Variants in SLC16A5 observed in about 807,000 individuals in gnomAD.
The protein encoded by SLC16A5 is solute carrier family 16 member 5.
Under a neutral mutation model 33.2 loss-of-function variants are expected in SLC16A5, and 29 were observed. That is an observed-to-expected ratio of 0.87 (90% CI 0.65 to 1.19). The LOEUF (loss-of-function observed/expected upper bound fraction) is 1.19. Ranked by LOEUF, SLC16A5 falls within the 50% of genes most tolerant of loss-of-function variation. The probability of loss-of-function intolerance (pLI) is 0.00; values close to 1 mark genes in which losing one functional copy is unlikely to be tolerated. For synonymous variants in SLC16A5, 248 were observed against 284.1 expected (o/e 0.87, Z 1.28); for missense variants, 606 against 678.2 (o/e 0.89, Z 1.18).
Position 75,106,008 on chromosome 17 carries a change from C to CCAAGCAA in SLC16A5, c.1493_1494insCAAGCAA (p.Leu499LysfsTer7), listed in dbSNP as rs2073859076. On this transcript the variant is annotated frameshift_variant, in exon 7 of 7. Transcript: ENST00000329783. LOFTEE classifies it low-confidence loss of function (END_TRUNC). The stretch of plus-strand genomic sequence containing the variant: ...GCGGTACTGCAGGCCAAGCAAACGG[C>CCAAGCAA]TCTGGGCTGGAATAGCCCTACCTGA... The CCAAGCAA allele has an allele frequency of 5.7e-6, 9 of 1,592,294 alleles. No individual in the cohort carries two copies. The highest frequency in any genetic ancestry group is 7.7e-6 in the Non-Finnish European group (9 of 1,166,234).
In SLC16A5 at chr17:75,100,305, C is replaced by A. The variant is rs995321639; in HGVS notation, c.642C>A (p.Gly214=). 1.2e-6 allele frequency: 2 copies of A among 1,614,248 alleles called. No homozygotes were observed. Among genetic ancestry groups the A allele is most frequent in the African/African-American group, 2.7e-5 (2 of 75,074 alleles). Residue 214 remains glycine (G), a synonymous_variant, in exon 5 of 7, where the codon GGC becomes GGA. Coordinates refer to ENST00000329783, the MANE Select transcript of SLC16A5 (RefSeq NM_004695.4). The part of the protein sequence containing the change: ...PPPPPETPAL[G]CLAACGRTIQ... ...CACCTCCCGAGACACCTGCACTTGG[C>A]TGCCTGGCTGCATGCGGCCGGACCA...
Position 75,093,569 on chromosome 17 carries a change from C to CCA in SLC16A5, c.-48-19_-48-18dup. The CCA allele has an allele frequency of 6.4e-7, 1 of 1,557,108 alleles. No individual in the cohort carries two copies. The highest frequency in any genetic ancestry group is 8.6e-7 in the Non-Finnish European group (1 of 1,156,864). ...CGGACAGCCTGCTGACCACCAGGCT[C>CCA]CATTCTGTCCCCTCCCCAGGCAGCA... is the stretch of plus-strand genomic sequence containing the variant. On this transcript the variant is annotated intron_variant, in intron 2 of 6. Coordinates refer to ENST00000329783, the MANE Select transcript of SLC16A5 (RefSeq NM_004695.4).
In SLC16A5 at chr17:75,100,208, G is replaced by A; in HGVS notation, c.545G>A (p.Cys182Tyr). 4 of 1,614,216 alleles carry A rather than the reference G, an allele frequency of 2.5e-6. No individual in the cohort carries two copies. The highest frequency in any genetic ancestry group is 3.4e-6 in the Non-Finnish European group (4 of 1,180,038). Reference protein sequence around the residue: ...FLVFGGIFLHCCICGAIIRPV... With the variant: ...FLVFGGIFLHYCICGAIIRPV... ...GTCTTCGGCGGGATCTTTCTCCACT[G>A]CTGCATCTGCGGGGCCATCATAAGG... Residue 182 changes from cysteine to tyrosine, a missense_variant, in exon 5 of 7, where the codon TGC (cysteine) becomes TAC (tyrosine). Cys to Tyr is a radical substitution (Grantham distance 194, BLOSUM62 -2). Coordinates refer to ENST00000329783, the MANE Select transcript of SLC16A5 (RefSeq NM_004695.4).
intron 3 of SLC16A5, among the ~76,000 whole-genome samples, chr17:75,094,937 G>A (rs1467258921): frequency 2.6e-5 from 4 of 152,198 alleles, no homozygotes; most frequent in Non-Finnish European, 4.4e-5. Flanking sequence ...TGCAGTCGCC[G>A]TGGACACAGG....
Position 75,098,132 on chromosome 17 carries a change from C to T in SLC16A5, c.294C>T (p.Ser98=). The T allele has an allele frequency of 6.2e-7, 1 of 1,612,582 alleles. No individual in the cohort carries two copies. The highest frequency in any genetic ancestry group is 8.5e-7 in the Non-Finnish European group (1 of 1,179,378). ...CCAGCCTGGGCATGGTGGCCAGCTC[C>T]TTCTCTCACAACCTCAGCCAGCTCT... The part of the protein sequence containing the change: ...VLASLGMVAS[S]FSHNLSQLYF... Residue 98 remains serine (S), a synonymous_variant, in exon 4 of 7, where the codon TCC becomes TCT. Coordinates refer to ENST00000329783, the MANE Select transcript of SLC16A5 (RefSeq NM_004695.4).
Position 75,098,151 on chromosome 17 carries a change from C to T in SLC16A5, c.313C>T (p.Gln105Ter). The T allele has an allele frequency of 6.2e-7, 1 of 1,612,708 alleles. No individual in the cohort carries two copies. The highest frequency in any genetic ancestry group is 8.5e-7 in the Non-Finnish European group (1 of 1,179,454). ...VASSFSHNLS[Q>*]LYFTAGFITG... The stretch of plus-strand genomic sequence containing the variant: ...CAGCTCCTTCTCTCACAACCTCAGC[C>T]AGCTCTACTTCACAGCAGGATTCAT... The change falls in exon 4 of 7, where the codon CAG becomes TAG. Residue 105 changes from glutamine (Q) to a stop codon, truncating the protein, a stop_gained. Coordinates refer to ENST00000329783, the MANE Select transcript of SLC16A5 (RefSeq NM_004695.4). LOFTEE classifies it high-confidence loss of function.
chr17:75,094,491 A>G (rs2073689161), intron 3 of SLC16A5, among the ~76,000 whole-genome samples: 1 of 152,188 alleles, frequency 6.6e-6, no homozygotes, highest in Admixed American at 6.5e-5. Flanking sequence ...GTTTGAGACC[A>G]GCCTGACCAA....
chr17:75,102,911 A>T (rs1017325505), intron 5 of SLC16A5, among the ~76,000 whole-genome samples: 2 of 144,638 alleles, frequency 1.4e-5, no homozygotes, highest in African/African-American at 5.2e-5. Context: ...TTTTTTTTTG[A>T]GACAGAGTCT....
At chr17:75,097,478 G>T (rs1260355830) in intron 3 of SLC16A5, among the ~76,000 whole-genome samples, 1 of 140,428 alleles carries the variant, frequency 7.1e-6, no homozygotes, top group Non-Finnish European at 1.5e-5. Context: ...GTCTGCAGAG[G>T]CCAGTGCAAG....
chr17:75,104,069 C>T lies in SLC16A5; in HGVS notation c.1253C>T (p.Ala418Val), dbSNP rs1247716955. The stretch of plus-strand genomic sequence containing the variant: ...CTCTTCATGGGTGGCAGCTTCTACG[C>T]CCTGCAGAAGAAGGAGCAAGGCAAG... ...AALFMGGSFY[A>V]LQKKEQGKQA... The change falls in exon 6 of 7, where the codon GCC (alanine) becomes GTC (valine). Residue 418 changes from alanine (A) to valine (V), a missense_variant. Ala to Val is a moderately conservative substitution (Grantham distance 64). Transcript: ENST00000329783. 4 of 1,614,178 alleles carry T rather than the reference C, an allele frequency of 2.5e-6. No individual in the cohort carries two copies. The highest frequency in any genetic ancestry group is 3.4e-6 in the Non-Finnish European group (4 of 1,180,030).
intron 4 of SLC16A5, among the ~76,000 whole-genome samples, chr17:75,098,995 G>A (rs577638872): frequency 1.3e-5 from 2 of 152,178 alleles, no homozygotes; most frequent in East Asian, 1.9e-4. Context: ...CTGTAGTGGC[G>A]TCACAGGCAG....
intron 5 of SLC16A5, among the ~76,000 whole-genome samples, chr17:75,102,484 A>G (rs1056481070): frequency 2.6e-5 from 4 of 152,222 alleles, no homozygotes; most frequent in African/African-American, 7.2e-5. Flanking sequence ...AAAGAGACAC[A>G]TCAGCAACCA....
At chr17:75,099,311 C>T (rs1223189864) in intron 4 of SLC16A5, among the ~76,000 whole-genome samples, 1 of 152,088 alleles carries the variant, frequency 6.6e-6, no homozygotes, top group East Asian at 1.9e-4. Context: ...GGGCTGGAGC[C>T]GGACCACAGA....
chr17:75,104,197 T>C lies in SLC16A5; in HGVS notation c.1364+17T>C. ...TGAGATCATGTATGTAACCAGCGTCTAAGACCCAGGGTTCATCTGTGTGAC... is the reference window on the plus strand; with the variant it reads ...TGAGATCATGTATGTAACCAGCGTCCAAGACCCAGGGTTCATCTGTGTGAC... On this transcript the variant is annotated intron_variant, in intron 6 of 6. Coordinates refer to ENST00000329783, the MANE Select transcript of SLC16A5 (RefSeq NM_004695.4). The C allele has an allele frequency of 6.2e-7, 1 of 1,612,902 alleles. No individual in the cohort carries two copies. Among genetic ancestry groups the C allele is most frequent in the East Asian group, 2.2e-5 (1 of 44,848 alleles).
At chr17:75,107,126 T>C (rs9652816), downstream of SLC16A5, among the ~76,000 whole-genome samples, 721 of 151,692 alleles carry the variant, frequency 4.8e-3, 7 homozygotes, top group African/African-American at 0.017. Flanking sequence ...TAAGGAGACC[T>C]CCATCTCTAC....
downstream of SLC16A5, chr17:75,109,993 C>T (rs942966602): frequency 2.3e-4 from 78 of 341,396 alleles, 2 homozygotes; most frequent in Admixed American, 3.5e-3. This position sits in a 1 kb window ranked among gnomAD's most constrained non-coding sequence, Gnocchi z 5.0. Flanking sequence ...GAGCCGGGGA[C>T]GGTGCGCCAG....
chr17:75,093,223 T>C, intron 2 of SLC16A5: 1 of 608,100 alleles, frequency 1.6e-6, no homozygotes, highest in South Asian at 1.9e-5. Context: ...TCTGCTGCAT[T>C]CTACAAGTAG....
chr17:75,100,013 G>C lies in SLC16A5; in HGVS notation c.350G>C (p.Gly117Ala), dbSNP rs375006936. ...TTCCCCTCTTGCCCCGCAGGCCTGG[G>C]CATGTGCTTCAGCTTCCAGTCAAGC... ...YFTAGFITGL[G>A]MCFSFQSSIT... The change falls in exon 5 of 7, where the codon GGC becomes GCC. Residue 117 changes from glycine (G) to alanine (A), a missense_variant. Transcript: ENST00000329783. 5 of 1,609,782 alleles carry C rather than the reference G, an allele frequency of 3.1e-6. No individual in the cohort carries two copies. Among genetic ancestry groups the C allele is most frequent in the Non-Finnish European group, 3.4e-6 (4 of 1,179,248 alleles).
At chr17:75,102,736 T>C (rs2145068630) in intron 5 of SLC16A5, among the ~76,000 whole-genome samples, 1 of 148,950 alleles carries the variant, frequency 6.7e-6, no homozygotes. Flanking sequence ...AATTCTTTTT[T>C]CTTTTTTTTT....
Sources: gnomAD v4.1 joint callset for allele counts (sites outside exome capture counted in the v4.1 genomes callset) on GRCh38, gnomAD v4.1.1 for gene constraint, Gnocchi (gnomAD v3.1) non-coding constraint, MANE v1.5 for transcripts, NCBI Gene and HGNC (gene_info 2026-07-23, HGNC 2026-07-21) for gene names.